Variants in SERPINB5 observed in about 807,000 individuals in gnomAD.
The protein encoded by SERPINB5 is serpin B5.
SERPINB5 carries 27 observed loss-of-function variants against 32.2 expected under a neutral mutation model. The observed-to-expected ratio is 0.84, with a 90% confidence interval of 0.62 to 1.16. SERPINB5 has a LOEUF of 1.16. SERPINB5 is among the 50% of genes most tolerant of loss of function. The probability of loss-of-function intolerance (pLI) is 0.00; values close to 1 mark genes in which losing one functional copy is unlikely to be tolerated. For missense variants in SERPINB5, 388 were observed against 436.3 expected, an observed-to-expected ratio of 0.89 and a Z score of 0.99; for synonymous variants, 154 against 157.4, an observed-to-expected ratio of 0.98 and a Z score of 0.16.
At chr18:63,490,809 A>G (rs1942317) in intron 4 of SERPINB5, 75,551 of 152,058 alleles carry the variant, frequency 0.5, 20,445 homozygotes, top group Non-Finnish European at 0.62. Flanking sequence ...ACCTGATTTA[A>G]TTTTTAAAAT....
At chr18:63,500,548 A>G (rs1909550128) in intron 6 of SERPINB5, among the ~76,000 whole-genome samples, 1 of 152,170 alleles carries the variant, frequency 6.6e-6, no homozygotes, top group African/African-American at 2.4e-5. Context: ...TTTAAGGCAC[A>G]AAGTTTAAAT....
chr18:63,479,855 A>G (rs1002854593), intron 1 of SERPINB5, among the ~76,000 whole-genome samples: 2 of 152,190 alleles, frequency 1.3e-5, no homozygotes, highest in African/African-American at 4.8e-5. Flanking sequence ...ATCATAGGGA[A>G]GAAGTTTTGT....
intron 3 of SERPINB5, among the ~76,000 whole-genome samples, chr18:63,488,637 A>T (rs940725968): frequency 6.6e-6 from 1 of 152,130 alleles, no homozygotes. Context: ...AGGCCCTTTT[A>T]ACACCCAGGT....
intron 3 of SERPINB5, 48 bp from the exon 4 acceptor site, chr18:63,489,299 C>A: frequency 9.6e-7 from 1 of 1,039,130 alleles, no homozygotes; most frequent in Non-Finnish European, 1.5e-6. Flanking sequence ...AATAACAATG[C>A]AATAGCTTGA....
chr18:63,485,637 TAG>T (rs1270707249), intron 2 of SERPINB5: 1 of 152,250 alleles, frequency 6.6e-6, no homozygotes, highest in Non-Finnish European at 1.5e-5. Flanking sequence ...CATCTACCAT[TAG>T]AGAAAGGCCA....
In SERPINB5 at chr18:63,498,531, T is replaced by C. The variant is rs963240877; in HGVS notation, c.568-589T>C. Among the ~76,000 whole-genome samples, 1 of 152,216 alleles carries C rather than the reference T, an allele frequency of 6.6e-6. No homozygotes were observed. Among genetic ancestry groups the C allele is most frequent in the Non-Finnish European group, 1.5e-5 (1 of 68,040 alleles). ...CAAACGTTGCCTATATTTACAGCCA[T>C]ACAGTCTTATTTTTAAGGTTTGATC... On this transcript the variant is annotated intron_variant, in intron 5 of 6. Coordinates refer to ENST00000382771, the MANE Select transcript of SERPINB5 (RefSeq NM_002639.5). The surrounding 1 kb of genome is among the most constrained non-coding windows in gnomAD (Gnocchi z 4.2).
intron 5 of SERPINB5, among the ~76,000 whole-genome samples, chr18:63,496,692 T>C (rs1396782): frequency 0.54 from 81,718 of 152,056 alleles, 22,641 homozygotes; most frequent in Non-Finnish European, 0.62. Context: ...TGATATGAAG[T>C]TTGAAATTTC....
intron 5 of SERPINB5, chr18:63,493,365 A>C: frequency 1.8e-6 from 1 of 558,628 alleles, no homozygotes; most frequent in Non-Finnish European, 3.2e-6. Context: ...CTAAGTCACC[A>C]GCTGAAAAAT....
chr18:63,497,057 G>A (rs1278628637), intron 5 of SERPINB5: 2 of 571,052 alleles, frequency 3.5e-6, no homozygotes, highest in Admixed American at 1.9e-5. Context: ...GTCTAATCCG[G>A]CCTGTGTCTG....
chr18:63,500,272 C>A (rs1292160663), intron 6 of SERPINB5, among the ~76,000 whole-genome samples: 1 of 150,304 alleles, frequency 6.7e-6, no homozygotes, highest in Non-Finnish European at 1.5e-5. Context: ...CTGTGTTGTC[C>A]AGGCTGGTCT....
intron 5 of SERPINB5, chr18:63,493,328 A>G (rs1415333557): frequency 1.7e-6 from 1 of 595,244 alleles, no homozygotes; most frequent in Non-Finnish European, 2.9e-6. Flanking sequence ...GTGAAACTTT[A>G]TAGAATTTGT....
Position 63,478,228 on chromosome 18 carries a change from G to T in SERPINB5, c.-8+1183G>T, listed in dbSNP as rs188529313. Among the ~76,000 whole-genome samples the T allele has an allele frequency of 2.0e-4, 30 of 152,250 alleles. No individual in the cohort carries two copies. In the East Asian group the frequency reaches 5.2e-3, roughly 26 times the overall value. On this transcript the variant is annotated intron_variant, in intron 1 of 6. Coordinates refer to ENST00000382771, the MANE Select transcript of SERPINB5 (RefSeq NM_002639.5). ...CTCTGGGTTGTGGATTGACTTTGGGGCTATGCAGTCTCAGCGATTTGGGCC... is the reference window on the plus strand; with the variant it reads ...CTCTGGGTTGTGGATTGACTTTGGGTCTATGCAGTCTCAGCGATTTGGGCC...
intron 6 of SERPINB5, among the ~76,000 whole-genome samples, chr18:63,502,778 G>T (rs1384829743): frequency 1.3e-5 from 2 of 152,046 alleles, no homozygotes; most frequent in Admixed American, 6.6e-5. Flanking sequence ...CAGCACTTTG[G>T]GAGGCTGAGG....
chr18:63,503,708 T>C lies in SERPINB5; in HGVS notation c.1114T>C (p.Phe372Leu), dbSNP rs1909620318. Residue 372 changes from phenylalanine to leucine, a missense_variant, in exon 7 of 7, where the codon TTC (phenylalanine) becomes CTC (leucine). Transcript: ENST00000382771. ...KTRNIIFFGKFCSP is the reference protein window; with the variant it reads ...KTRNIIFFGKLCSP ...TCGAAACATTATTTTCTTTGGCAAA[T>C]TCTGTTCTCCTTAAGTGGCATAGCC... is the stretch of plus-strand genomic sequence containing the variant. The C allele has an allele frequency of 6.2e-7, 1 of 1,614,040 alleles. No individual in the cohort carries two copies. Among genetic ancestry groups the C allele is most frequent in the Admixed American group, 1.7e-5 (1 of 60,002 alleles).
intron 1 of SERPINB5, among the ~76,000 whole-genome samples, chr18:63,479,418 C>T (rs1358553675): frequency 1.3e-5 from 2 of 152,174 alleles, no homozygotes; most frequent in African/African-American, 4.8e-5. Flanking sequence ...GAAGTGAGCA[C>T]GGCCCTACCC....
intron 3 of SERPINB5, 116 bp from the exon 4 acceptor site, chr18:63,489,231 C>A (rs1450294743): frequency 3.7e-6 from 2 of 547,680 alleles, no homozygotes; most frequent in Non-Finnish European, 6.4e-6. Context: ...TATAGTGTTA[C>A]CAATTTTGAA....
intron 6 of SERPINB5, among the ~76,000 whole-genome samples, chr18:63,501,878 TG>T (rs1004690962): frequency 3.7e-4 from 56 of 152,226 alleles, no homozygotes; most frequent in African/African-American, 1.4e-3. Context: ...TTTGCCCACT[TG>T]TTGATGGGGT....
At position 63,484,454 on chromosome 18, in the gene SERPINB5, C is replaced by A; in HGVS notation, c.26C>A (p.Ser9Ter). 1.2e-6 allele frequency: 2 copies of A among 1,613,144 alleles called. No individual in the cohort carries two copies. The highest frequency in any genetic ancestry group is 1.7e-6 in the Non-Finnish European group (2 of 1,179,666). Residue 9 changes from serine to a stop codon, truncating the protein, a stop_gained, in exon 2 of 7, where the codon TCG becomes TAG. Coordinates refer to ENST00000382771, the MANE Select transcript of SERPINB5 (RefSeq NM_002639.5). LOFTEE classifies it high-confidence loss of function. ...ATGGATGCCCTGCAACTAGCAAATT[C>A]GGCTTTTGCCGTTGATCTGTTCAAA... MDALQLANSAFAVDLFKQL... is the reference protein window; with the variant it reads MDALQLAN
chr18:63,496,544 G>A (rs759058612), intron 5 of SERPINB5, among the ~76,000 whole-genome samples: 1 of 152,156 alleles, frequency 6.6e-6, no homozygotes, highest in Admixed American at 6.5e-5. Context: ...TAACACTGTG[G>A]CAAGTGTTAA....
Sources: allele counts gnomAD v4.1 joint callset (sites outside exome capture counted in the v4.1 genomes callset), GRCh38; gene constraint gnomAD v4.1.1; non-coding constraint Gnocchi (gnomAD v3.1); transcripts MANE v1.5; gene names NCBI Gene and HGNC (gene_info 2026-07-23, HGNC 2026-07-21).